Variants in SLX9 observed in about 807,000 individuals in gnomAD.
SLX9 encodes SLX9 ribosome biogenesis factor, also known as ribosome biogenesis protein SLX9 homolog.
Under a neutral mutation model 20.8 loss-of-function variants are expected in SLX9, and 19 were observed. That is an observed-to-expected ratio of 0.91 (90% CI 0.64 to 1.34). The LOEUF (loss-of-function observed/expected upper bound fraction) is 1.34. SLX9 is among the 40% of genes most tolerant of loss of function. The pLI is 0.00. For missense variants in SLX9, 299 were observed against 322.2 expected (o/e 0.93, Z 0.55); for synonymous variants, 113 against 137.1 (o/e 0.82, Z 1.23).
intron 2 of SLX9, among the ~76,000 whole-genome samples, chr21:44,950,062 A>G (rs1019477309): frequency 1.3e-5 from 2 of 151,660 alleles, no homozygotes; most frequent in Non-Finnish European, 1.5e-5. Context: ...TCCTCATCAG[A>G]CAGTACAGAC....
chr21:44,974,039 T>G (rs1276707151), intron 5 of SLX9, among the ~76,000 whole-genome samples: 3 of 152,230 alleles, frequency 2.0e-5, no homozygotes, highest in Non-Finnish European at 4.4e-5. Context: ...GGACACTGAT[T>G]TGCAGAAATT....
Position 44,976,850 on chromosome 21 carries a change from A to C in SLX9, c.*47A>C. 1 of 1,536,196 alleles carries C rather than the reference A, an allele frequency of 6.5e-7. No homozygotes were observed. The highest frequency in any genetic ancestry group is 1.2e-5 in the South Asian group (1 of 83,818). The stretch of plus-strand genomic sequence containing the variant: ...AACTCCTCAGGACACATGTGGGCCA[A>C]GTAGAGAGCGCCGGCCCCTCAAGGA... On this transcript the variant is annotated 3_prime_UTR_variant, in exon 6 of 6. Coordinates refer to ENST00000291634, the MANE Select transcript of SLX9 (RefSeq NM_058190.4).
chr21:44,970,507 C>T (rs2225436), intron 4 of SLX9, among the ~76,000 whole-genome samples: 152,226 of 152,226 alleles, frequency 1, 76,113 homozygotes, highest in Non-Finnish European at 1. Context: ...GCCCTGGCCC[C>T]TGTATTGCAG....
At position 44,960,181 on chromosome 21, in the gene SLX9, C is replaced by T. The variant is rs769217807; in HGVS notation, c.352+13C>T. 3.7e-6 allele frequency: 6 copies of T among 1,613,972 alleles called. No individual in the cohort carries two copies. In the African/African-American group the frequency reaches 5.3e-5, roughly 14 times the overall value. ...CAATGGTTGCAGAGTAAGTCCATGC[C>T]TGCGTCTTGAGGCAGCTGCCGGCCC... On this transcript the variant is annotated intron_variant, in intron 3 of 5. Transcript: ENST00000291634.
At chr21:44,951,303 G>A (rs915790343) in intron 2 of SLX9, among the ~76,000 whole-genome samples, 2 of 152,102 alleles carry the variant, frequency 1.3e-5, no homozygotes, top group African/African-American at 4.8e-5. Flanking sequence ...GCAGCATCGC[G>A]CAGGGAGGTA....
chr21:44,952,502 C>G (rs777266977), intron 2 of SLX9, among the ~76,000 whole-genome samples: 54 of 152,262 alleles, frequency 3.5e-4, no homozygotes, highest in Non-Finnish European at 7.2e-4. Flanking sequence ...GCCCCAGGGC[C>G]CTCCTTCTCC....
At chr21:44,956,472 G>A (rs757645138) in intron 2 of SLX9, among the ~76,000 whole-genome samples, 2 of 152,192 alleles carry the variant, frequency 1.3e-5, no homozygotes, top group African/African-American at 2.4e-5. Flanking sequence ...GAAGAACCTC[G>A]GCACCACGAG....
intron 2 of SLX9, among the ~76,000 whole-genome samples, chr21:44,946,692 A>G (rs1414436567): frequency 6.6e-6 from 1 of 152,216 alleles, no homozygotes; most frequent in Non-Finnish European, 1.5e-5. Context: ...GGCCCCCATT[A>G]CAGCCCTCCT....
At chr21:44,940,229 G>C in intron 1 of SLX9, 43 bp downstream of exon 1, 1 of 1,208,544 alleles carries the variant, frequency 8.3e-7, no homozygotes, top group Non-Finnish European at 1.0e-6. Context: ...GCGTGGGTCC[G>C]AGGGCGGGTG....
rs781482296 is a variant in SLX9 at position 44,967,189 on chromosome 21, T to C, written c.500+8T>C. 18 of 1,565,440 alleles carry C rather than the reference T, an allele frequency of 1.1e-5. No homozygotes were observed. Among genetic ancestry groups the C allele is most frequent in the Non-Finnish European group, 1.6e-5 (18 of 1,157,110 alleles). On this transcript the variant is annotated splice_region_variant and intron_variant, in intron 4 of 5. Coordinates refer to ENST00000291634, the MANE Select transcript of SLX9 (RefSeq NM_058190.4). ...CCGGCGCCAAGCCCGCAGGTGAGTGTCCGGGAGGGGTGGCCCTTTCCGAGC... is the reference window on the plus strand; with the variant it reads ...CCGGCGCCAAGCCCGCAGGTGAGTGCCCGGGAGGGGTGGCCCTTTCCGAGC...
At chr21:44,952,517 C>A (rs2084777293) in intron 2 of SLX9, among the ~76,000 whole-genome samples, 1 of 152,268 alleles carries the variant, frequency 6.6e-6, no homozygotes, top group African/African-American at 2.4e-5. Flanking sequence ...TTCTCCCCTG[C>A]AGGTCTGGCC....
chr21:44,971,702 G>GA (rs1225240764), intron 4 of SLX9, among the ~76,000 whole-genome samples: 3 of 151,940 alleles, frequency 2.0e-5, no homozygotes, highest in Non-Finnish European at 4.4e-5. Flanking sequence ...CTAGAGGAGG[G>GA]GCCCCACGCT....
At chr21:44,973,707 G>A (rs1316052015) in intron 5 of SLX9, among the ~76,000 whole-genome samples, 6 of 135,612 alleles carry the variant, frequency 4.4e-5, no homozygotes, top group African/African-American at 1.4e-4. Context: ...CCCCCACCCC[G>A]CCCTCTCCAG....
intron 1 of SLX9, among the ~76,000 whole-genome samples, chr21:44,942,114 A>G (rs1383214204): frequency 5.3e-5 from 8 of 152,216 alleles, no homozygotes; most frequent in Admixed American, 5.2e-4. Context: ...AAAAATATGC[A>G]TTAATGAGAT....
intron 2 of SLX9, among the ~76,000 whole-genome samples, chr21:44,949,338 C>T (rs2084709554): frequency 6.6e-6 from 1 of 152,092 alleles, no homozygotes; most frequent in Middle Eastern, 3.4e-3. Flanking sequence ...TCAGGAGTGT[C>T]GGGCCTGGCA....
intron 2 of SLX9, among the ~76,000 whole-genome samples, chr21:44,949,861 C>T (rs1345668663): frequency 6.6e-6 from 1 of 152,188 alleles, no homozygotes; most frequent in Non-Finnish European, 1.5e-5. Flanking sequence ...CCCCAGGCAC[C>T]TGCGGTGGAG....
chr21:44,954,199 T>G (rs1203775373), intron 2 of SLX9, among the ~76,000 whole-genome samples: 1 of 152,182 alleles, frequency 6.6e-6, no homozygotes, highest in African/African-American at 2.4e-5. Context: ...CTGTGGGGTT[T>G]GGAGTCCACG....
intron 1 of SLX9, among the ~76,000 whole-genome samples, chr21:44,942,357 T>C (rs56978062): frequency 0.024 from 3,724 of 152,264 alleles, 165 homozygotes; most frequent in African/African-American, 0.086. Context: ...TATTTTCCCA[T>C]GTACCGACTT....
chr21:44,953,338 G>A (rs1038061232), intron 2 of SLX9, among the ~76,000 whole-genome samples: 2 of 152,196 alleles, frequency 1.3e-5, no homozygotes, highest in Admixed American at 6.5e-5. Context: ...GGTTCCCTAG[G>A]TGGGGCCCCC....
Sources: allele counts gnomAD v4.1 joint callset (sites outside exome capture counted in the v4.1 genomes callset), GRCh38; gene constraint gnomAD v4.1.1; transcripts MANE v1.5; gene names NCBI Gene and HGNC (gene_info 2026-07-23, HGNC 2026-07-21).